ANKS1B: variants seen among roughly 807,000 people sequenced by gnomAD.
ANKS1B encodes ankyrin repeat and sterile alpha motif domain-containing protein 1B.
A neutral mutation model predicts 148.3 loss-of-function variants in ANKS1B; 36 were observed. The ratio of observed to expected loss-of-function variants is 0.24; its 90% confidence interval spans 0.19 to 0.32. The LOEUF (loss-of-function observed/expected upper bound fraction) is 0.32. ANKS1B is among the 10% of genes least tolerant of loss of function. The pLI is 1.00. For synonymous variants in ANKS1B, 542 were observed against 560.8 expected, an observed-to-expected ratio of 0.97 and a Z score of 0.47; for missense variants, 1,157 against 1,542.6, an observed-to-expected ratio of 0.75 and a Z score of 4.19.
intron 17 of ANKS1B, among the ~76,000 whole-genome samples, chr12:98,850,726 C>T (rs927508399): frequency 1.3e-5 from 2 of 151,552 alleles, no homozygotes; most frequent in Non-Finnish European, 1.5e-5. Context: ...CTCAGCCTCC[C>T]GAAGTGCTGG....
intron 9 of ANKS1B, among the ~76,000 whole-genome samples, chr12:99,523,499 A>G (rs1330616271): frequency 6.6e-6 from 1 of 151,626 alleles, no homozygotes; most frequent in East Asian, 1.9e-4. Context: ...TAAGTAGCAA[A>G]CTCTCTGTCC....
intron 9 of ANKS1B, among the ~76,000 whole-genome samples, chr12:99,576,530 C>A (rs2097521993): frequency 6.6e-6 from 1 of 152,088 alleles, no homozygotes; most frequent in Non-Finnish European, 1.5e-5. Flanking sequence ...TCATACCAAT[C>A]ACACTCTTGG....
At chr12:99,703,899 A>G (rs1249495571) in intron 8 of ANKS1B, among the ~76,000 whole-genome samples, 3 of 152,142 alleles carry the variant, frequency 2.0e-5, no homozygotes, top group African/African-American at 7.2e-5. Flanking sequence ...GGCATCAGGT[A>G]TCATGTACCT....
At chr12:99,083,703 T>C (rs558768652) in intron 16 of ANKS1B, 6 of 152,308 alleles carry the variant, frequency 3.9e-5, no homozygotes, top group African/African-American at 1.4e-4. Flanking sequence ...TACATTTGCA[T>C]TGTTGTACAA....
chr12:99,616,428 C>T (rs541811570), intron 9 of ANKS1B, among the ~76,000 whole-genome samples: 3 of 152,106 alleles, frequency 2.0e-5, no homozygotes, highest in Non-Finnish European at 2.9e-5. Context: ...GCAGGGTACT[C>T]GTACCAAACC....
chr12:99,490,446 T>G (rs1481247834), intron 10 of ANKS1B, among the ~76,000 whole-genome samples: 2 of 152,232 alleles, frequency 1.3e-5, no homozygotes, highest in African/African-American at 4.8e-5. Flanking sequence ...TGTACATTAT[T>G]TATTGACTGA....
At chr12:99,826,412 G>C (rs1209443243) in intron 1 of ANKS1B, among the ~76,000 whole-genome samples, 1 of 152,042 alleles carries the variant, frequency 6.6e-6, no homozygotes, top group Non-Finnish European at 1.5e-5. Context: ...AACTAAGGTG[G>C]GTCAATGAAA....
At chr12:99,018,406 T>C (rs2099943828) in intron 17 of ANKS1B, among the ~76,000 whole-genome samples, 1 of 152,202 alleles carries the variant, frequency 6.6e-6, no homozygotes, top group African/African-American at 2.4e-5. Flanking sequence ...TCAAATATGG[T>C]CTGGCTAAGA....
chr12:99,852,397 T>G (rs2088044338), intron 1 of ANKS1B, among the ~76,000 whole-genome samples: 1 of 152,230 alleles, frequency 6.6e-6, no homozygotes, highest in Non-Finnish European at 1.5e-5. Flanking sequence ...TGTTAGAAGC[T>G]TTAGGGCTAT....
At chr12:99,403,199 C>T (rs2094453592) in intron 11 of ANKS1B, among the ~76,000 whole-genome samples, 1 of 122,268 alleles carries the variant, frequency 8.2e-6, no homozygotes, top group South Asian at 2.4e-4. Context: ...CTCTATCACC[C>T]AGGCTGGAGT....
chr12:99,215,346 G>A (rs767326486), intron 14 of ANKS1B, among the ~76,000 whole-genome samples: 1 of 152,188 alleles, frequency 6.6e-6, no homozygotes, highest in Non-Finnish European at 1.5e-5. Flanking sequence ...GAAATGTGGG[G>A]TCAGATCCCC....
intron 9 of ANKS1B, among the ~76,000 whole-genome samples, chr12:99,528,504 A>G (rs2096954011): frequency 6.6e-6 from 1 of 152,168 alleles, no homozygotes; most frequent in African/African-American, 2.4e-5. Flanking sequence ...AAATATTTGC[A>G]AAGTATGCAT....
chr12:98,895,017 C>T (rs931807409), intron 17 of ANKS1B: 3 of 829,734 alleles, frequency 3.6e-6, no homozygotes, highest in Admixed American at 6.3e-5. Flanking sequence ...GCGCGTCCTC[C>T]CCCGAACGCC....
At chr12:99,913,108 C>T (rs2094057307) in intron 1 of ANKS1B, among the ~76,000 whole-genome samples, 1 of 152,104 alleles carries the variant, frequency 6.6e-6, no homozygotes, top group Non-Finnish European at 1.5e-5. Flanking sequence ...TTTCATATAA[C>T]TCTCTATAAC....
At chr12:98,966,342 T>C (rs12309497) in intron 17 of ANKS1B, among the ~76,000 whole-genome samples, 16,620 of 151,914 alleles carry the variant, frequency 0.11, 2,462 homozygotes, top group African/African-American at 0.33. Context: ...ATCAAAACCA[T>C]AATGAGATAC....
intron 12 of ANKS1B, among the ~76,000 whole-genome samples, chr12:99,298,910 A>G (rs1469273270): frequency 6.6e-6 from 1 of 152,190 alleles, no homozygotes; most frequent in Admixed American, 6.5e-5. Flanking sequence ...CTGTTTTTAT[A>G]GACATTTCTG....
chr12:99,335,994 T>A (rs2088773554), intron 12 of ANKS1B, among the ~76,000 whole-genome samples: 1 of 152,248 alleles, frequency 6.6e-6, no homozygotes, highest in East Asian at 1.9e-4. Flanking sequence ...TGTACAAGAG[T>A]TCCGTTTTCT....
chr12:98,870,860 C>T (rs921919157), intron 17 of ANKS1B, among the ~76,000 whole-genome samples: 7 of 152,188 alleles, frequency 4.6e-5, no homozygotes, highest in South Asian at 2.1e-4. Flanking sequence ...AATGCCTTTG[C>T]CCGACAGTAA....
chr12:98,884,619 G>A (rs1158976439), intron 17 of ANKS1B, among the ~76,000 whole-genome samples: 1 of 151,322 alleles, frequency 6.6e-6, no homozygotes, highest in East Asian at 1.9e-4. Context: ...CTAACAAGGT[G>A]AAACCCCGTC....
Sources: gnomAD v4.1 joint callset for allele counts (sites outside exome capture counted in the v4.1 genomes callset) on GRCh38, gnomAD v4.1.1 for gene constraint, MANE v1.5 for transcripts, NCBI Gene and HGNC (gene_info 2026-07-23, HGNC 2026-07-21) for gene names.